The following RIMS1 variants were observed in gnomAD, a reference collection of about 807,000 sequenced individuals.
RIMS1 encodes regulating synaptic membrane exocytosis protein 1.
A neutral mutation model predicts 214.1 loss-of-function variants in RIMS1; 83 were observed. The ratio of observed to expected loss-of-function variants is 0.39; its 90% CI spans 0.32 to 0.47. The LOEUF (loss-of-function observed/expected upper bound fraction) is 0.47, where lower values mean the gene tolerates loss of function less well. Among genes scored for constraint, RIMS1 ranks in the 20% least tolerant of loss-of-function variants. RIMS1 has a pLI of 0.99. For synonymous variants in RIMS1, 793 were observed against 786.8 expected, an observed-to-expected ratio of 1.01 and a Z score of -0.13; for missense variants, 2,050 against 2,161.8, an observed-to-expected ratio of 0.95 and a Z score of 1.03.
At position 72,266,045 on chromosome 6, in the gene RIMS1, GA is replaced by G; in HGVS notation, c.3397del (p.Arg1133GlyfsTer8). The G allele has an allele frequency of 6.4e-7, 1 of 1,568,756 alleles. No individual in the cohort carries two copies. The highest frequency in any genetic ancestry group is 8.7e-7 in the Non-Finnish European group (1 of 1,153,964). ...PDTSLHSPER[E>X]RGRWSPSLDR... ...TACTAGTTTGCATTCACCAGAACGA[GA>G]AAGGTATAAAATAAAGACTTTCTTA... On this transcript the variant is annotated frameshift_variant, in exon 22 of 34. Coordinates refer to ENST00000521978, the MANE Select transcript of RIMS1 (RefSeq NM_014989.7). LOFTEE classifies it high-confidence loss of function.
chr6:72,005,850 G>T (rs1807349456), intron 2 of RIMS1, among the ~76,000 whole-genome samples: 1 of 152,194 alleles, frequency 6.6e-6, no homozygotes, highest in South Asian at 2.1e-4. Context: ...AAGTAAATGA[G>T]ATATTTACGA....
intron 11 of RIMS1, among the ~76,000 whole-genome samples, chr6:72,246,962 CATG>C (rs2070185392): frequency 6.6e-6 from 1 of 152,070 alleles, no homozygotes; most frequent in Non-Finnish European, 1.5e-5. Flanking sequence ...AAAAGGATGA[CATG>C]AGAATTAATT....
chr6:72,217,003 G>A (rs1477850738), intron 6 of RIMS1: 116 of 1,410,146 alleles, frequency 8.2e-5, no homozygotes, highest in Non-Finnish European at 1.0e-4. Flanking sequence ...TGTCACTGTT[G>A]TATAATGTTG....
intron 1 of RIMS1, among the ~76,000 whole-genome samples, chr6:71,922,735 C>T (rs923691780): frequency 6.6e-6 from 1 of 152,048 alleles, no homozygotes; most frequent in Non-Finnish European, 1.5e-5. Flanking sequence ...ATAGTTTATT[C>T]CTATGAGAGG....
intron 2 of RIMS1, among the ~76,000 whole-genome samples, chr6:72,006,734 A>G (rs1293772563): frequency 6.6e-6 from 1 of 152,202 alleles, no homozygotes. Context: ...TTGCTAGCAC[A>G]GCAGTCTGAA....
chr6:72,386,341 T>C (rs770575625), intron 29 of RIMS1, among the ~76,000 whole-genome samples: 30 of 152,372 alleles, frequency 2.0e-4, no homozygotes, highest in Non-Finnish European at 4.0e-4. Context: ...ATTGACAGTC[T>C]GCACTTCACC....
chr6:72,080,833 A>G (rs907732236), intron 2 of RIMS1, among the ~76,000 whole-genome samples: 1 of 152,108 alleles, frequency 6.6e-6, no homozygotes, highest in African/African-American at 2.4e-5. Context: ...GCCTTCTCTA[A>G]CTACCTTACT....
chr6:72,252,108 AT>A lies in RIMS1; in HGVS notation c.2699-646del, dbSNP rs1282393882. 2.6e-5 allele frequency among the ~76,000 whole-genome samples: 4 copies of A among 152,010 alleles called. No individual in the cohort carries two copies. The East Asian group carries it at 7.7e-4, about 29-fold the overall frequency. On this transcript the variant is annotated intron_variant, in intron 15 of 33. Coordinates refer to ENST00000521978, the MANE Select transcript of RIMS1 (RefSeq NM_014989.7). Reference sequence around the variant, plus strand: ...ATTCATCTAGTGATTGGGAAAAGCTATTTTTTTCTGTACTTATTGAGTAATT... The same window carrying A: ...ATTCATCTAGTGATTGGGAAAAGCTATTTTTTCTGTACTTATTGAGTAATT...
chr6:72,007,761 A>G (rs1808393324), intron 2 of RIMS1, among the ~76,000 whole-genome samples: 1 of 152,198 alleles, frequency 6.6e-6, no homozygotes, highest in Non-Finnish European at 1.5e-5. Context: ...AAGCGAGAAG[A>G]GAAGTTTAGA....
At chr6:72,110,454 C>T (rs530365343) in intron 4 of RIMS1, among the ~76,000 whole-genome samples, 4 of 150,360 alleles carry the variant, frequency 2.7e-5, no homozygotes, top group Non-Finnish European at 5.9e-5. Context: ...ATTTTATTCT[C>T]TTTGAAGCAA....
intron 24 of RIMS1, among the ~76,000 whole-genome samples, chr6:72,284,720 A>G (rs1017051832): frequency 6.6e-6 from 1 of 152,130 alleles, no homozygotes; most frequent in Non-Finnish European, 1.5e-5. Flanking sequence ...AAGACCTAAG[A>G]ATTGCAACTA....
chr6:72,295,683 G>A (rs1052385656), intron 26 of RIMS1, among the ~76,000 whole-genome samples: 11 of 151,522 alleles, frequency 7.3e-5, no homozygotes, highest in African/African-American at 2.7e-4. Flanking sequence ...TTTTTCAAAT[G>A]CCAAACATAC....
Position 72,233,853 on chromosome 6 carries a change from G to A in RIMS1, c.1746+13G>A. 1 of 1,558,250 alleles carries A rather than the reference G, an allele frequency of 6.4e-7. No homozygotes were observed. The highest frequency in any genetic ancestry group is 8.7e-7 in the Non-Finnish European group (1 of 1,145,876). ...ACCTATTAGTTCGGTAAGTTTTCTG[G>A]AAAGTGTGTTTGGAGTTTAGGGAAT... is the stretch of plus-strand genomic sequence containing the variant. On this transcript the variant is annotated intron_variant, in intron 7 of 33. Transcript: ENST00000521978.
At chr6:72,029,048 A>G (rs1354923326) in intron 2 of RIMS1, among the ~76,000 whole-genome samples, 1 of 152,178 alleles carries the variant, frequency 6.6e-6, no homozygotes, top group African/African-American at 2.4e-5. Flanking sequence ...CAGTTCATGT[A>G]AAAAGGGAAT....
intron 6 of RIMS1, among the ~76,000 whole-genome samples, chr6:72,197,529 T>G (rs2051189573): frequency 6.6e-6 from 1 of 152,098 alleles, no homozygotes; most frequent in African/African-American, 2.4e-5. Context: ...AAATACTTTT[T>G]TAAGTATTAA....
chr6:72,282,572 T>G (rs1346922847), intron 23 of RIMS1, among the ~76,000 whole-genome samples: 4 of 152,102 alleles, frequency 2.6e-5, no homozygotes, highest in African/African-American at 7.2e-5. Flanking sequence ...TCTTCCACTC[T>G]CTTTGCTGTA....
At chr6:72,222,023 A>G (rs2058617872) in intron 6 of RIMS1, among the ~76,000 whole-genome samples, 1 of 152,112 alleles carries the variant, frequency 6.6e-6, no homozygotes, top group Non-Finnish European at 1.5e-5. Flanking sequence ...GAGTGATGTC[A>G]CCTTATGTCT....
At chr6:72,013,754 G>A (rs191723223) in intron 2 of RIMS1, among the ~76,000 whole-genome samples, 1 of 151,988 alleles carries the variant, frequency 6.6e-6, no homozygotes, top group Non-Finnish European at 1.5e-5. Flanking sequence ...TATAAAATTC[G>A]CTGTATGAAA....
chr6:72,052,013 T>G (rs1333614666), intron 2 of RIMS1, among the ~76,000 whole-genome samples: 1 of 152,216 alleles, frequency 6.6e-6, no homozygotes, highest in Non-Finnish European at 1.5e-5. Flanking sequence ...TCATGATATA[T>G]TATGCTTTGC....
Sources: gnomAD v4.1 joint callset for allele counts (sites outside exome capture counted in the v4.1 genomes callset) on GRCh38, gnomAD v4.1.1 for gene constraint, MANE v1.5 for transcripts, NCBI Gene and HGNC (gene_info 2026-07-23, HGNC 2026-07-21) for gene names.